The following DGKB variants were observed in gnomAD, a reference collection of about 807,000 sequenced individuals.
DGKB encodes the protein diacylglycerol kinase beta, also known as 90 kDa diacylglycerol kinase.
A neutral mutation model predicts 114.3 loss-of-function variants in DGKB; 67 were observed. The observed-to-expected ratio is 0.59, with a 90% confidence interval of 0.48 to 0.72. The LOEUF (loss-of-function observed/expected upper bound fraction) is 0.72, where lower values mean the gene tolerates loss of function less well. Among genes scored for constraint, DGKB ranks in the 30% least tolerant of loss-of-function variants. The pLI is 0.00. For missense variants in DGKB, 907 were observed against 975.2 expected, an observed-to-expected ratio of 0.93 and a Z score of 0.93; for synonymous variants, 398 against 323.1, an observed-to-expected ratio of 1.23 and a Z score of -2.49.
chr7:14,746,992 T>C (rs1360974409), intron 4 of DGKB, among the ~76,000 whole-genome samples: 2 of 152,122 alleles, frequency 1.3e-5, no homozygotes, highest in South Asian at 2.1e-4. Flanking sequence ...CTATTACAGA[T>C]ATAAGAATGG....
chr7:14,348,147 C>T (rs934706852), intron 21 of DGKB, among the ~76,000 whole-genome samples: 10 of 149,536 alleles, frequency 6.7e-5, no homozygotes, highest in Admixed American at 4.7e-4. Context: ...TTATAACCAC[C>T]CCCACTTCTA....
intron 2 of DGKB, among the ~76,000 whole-genome samples, chr7:14,822,508 A>C (rs1364319750): frequency 6.6e-6 from 1 of 152,174 alleles, no homozygotes; most frequent in Non-Finnish European, 1.5e-5. Flanking sequence ...GAGCTCAGGT[A>C]ATGAAGTTAA....
At chr7:14,449,776 T>C (rs1831213038) in intron 21 of DGKB, among the ~76,000 whole-genome samples, 1 of 152,080 alleles carries the variant, frequency 6.6e-6, no homozygotes, top group South Asian at 2.1e-4. Flanking sequence ...ATTTCTGCCA[T>C]GACAGATTAA....
chr7:14,273,151 C>T (rs953716361), intron 23 of DGKB, among the ~76,000 whole-genome samples: 1 of 151,952 alleles, frequency 6.6e-6, no homozygotes, highest in African/African-American at 2.4e-5. Context: ...TTGAAACCAG[C>T]GTGGGCAATA....
intron 2 of DGKB, among the ~76,000 whole-genome samples, chr7:14,826,545 A>G (rs748137449): frequency 2.0e-5 from 3 of 152,104 alleles, no homozygotes; most frequent in Non-Finnish European, 2.9e-5. Flanking sequence ...TGTTTTTATT[A>G]TAATGATCAC....
At chr7:14,608,254 T>C (rs1198750439) in intron 16 of DGKB, among the ~76,000 whole-genome samples, 1 of 152,054 alleles carries the variant, frequency 6.6e-6, no homozygotes, top group Non-Finnish European at 1.5e-5. Context: ...CAGTTAGGCA[T>C]TATTCCTGGG....
chr7:14,219,991 G>A (rs1789660030), intron 23 of DGKB, among the ~76,000 whole-genome samples: 2 of 151,660 alleles, frequency 1.3e-5, no homozygotes, highest in Non-Finnish European at 3.0e-5. Context: ...TCTGAGAAAT[G>A]CATCATTAGG....
intron 23 of DGKB, among the ~76,000 whole-genome samples, chr7:14,252,858 T>C (rs1795439443): frequency 2.0e-5 from 3 of 152,118 alleles, no homozygotes; most frequent in Admixed American, 2.0e-4. Flanking sequence ...TCTCTCTCCA[T>C]GTTGTGCTAT....
At chr7:14,233,788 C>A (rs958583253) in intron 23 of DGKB, among the ~76,000 whole-genome samples, 1 of 151,858 alleles carries the variant, frequency 6.6e-6, no homozygotes, top group Admixed American at 6.6e-5. Flanking sequence ...GGGGTGCAAC[C>A]ACAGGTCGAA....
At chr7:14,176,289 G>A in intron 25 of DGKB, 2 of 960,022 alleles carry the variant, frequency 2.1e-6, no homozygotes, top group African/African-American at 2.0e-5. Flanking sequence ...CTATGCAAAT[G>A]AAAACTGATT....
At chr7:14,937,903 TTTCTC>T (rs904535892) in intron 1 of DGKB, among the ~76,000 whole-genome samples, 2 of 152,306 alleles carry the variant, frequency 1.3e-5, no homozygotes, top group Middle Eastern at 3.4e-3. Flanking sequence ...TTAATAACAT[TTTCTC>T]TTCTCTAGCT....
intron 12 of DGKB, among the ~76,000 whole-genome samples, chr7:14,678,399 C>A (rs1820250659): frequency 6.6e-6 from 1 of 152,056 alleles, no homozygotes; most frequent in South Asian, 2.1e-4. Flanking sequence ...GGTAACCTAA[C>A]TTGTTTCCTA....
At chr7:14,548,403 G>C (rs1794629087) in intron 20 of DGKB, among the ~76,000 whole-genome samples, 1 of 152,154 alleles carries the variant, frequency 6.6e-6, no homozygotes, top group Non-Finnish European at 1.5e-5. Flanking sequence ...AGCCCAGTTT[G>C]GTAGGTCAGA....
At chr7:14,748,249 G>C (rs1028974576) in intron 4 of DGKB, among the ~76,000 whole-genome samples, 6 of 152,006 alleles carry the variant, frequency 3.9e-5, no homozygotes, top group Admixed American at 2.6e-4. Context: ...CTAATGAAAG[G>C]AATAAGAACA....
At chr7:14,884,742 C>A (rs1854765553) in intron 1 of DGKB, among the ~76,000 whole-genome samples, 1 of 151,924 alleles carries the variant, frequency 6.6e-6, no homozygotes, top group Non-Finnish European at 1.5e-5. Flanking sequence ...GAACATCCTA[C>A]AAAACGGCAA....
intron 1 of DGKB, among the ~76,000 whole-genome samples, chr7:14,910,284 A>T (rs149136564): frequency 7.9e-6 from 1 of 126,134 alleles, no homozygotes; most frequent in Non-Finnish European, 1.9e-5. Context: ...GAAAGAAAGA[A>T]AGAAAGAAAG....
At position 14,418,371 on chromosome 7, in the gene DGKB, G is replaced by GTATA. The variant is rs369934623; in HGVS notation, c.1835+59786_1835+59789dup. The stretch of plus-strand genomic sequence containing the variant: ...TATATTCACATATATATGTGTGTGT[G>GTATA]TATATATATATATATATATATACAC... On this transcript the variant is annotated intron_variant, in intron 21 of 25. Coordinates refer to ENST00000402815, the MANE Select transcript of DGKB (RefSeq NM_001350709.2). 8.6e-4 allele frequency among the ~76,000 whole-genome samples: 112 copies of GTATA among 129,912 alleles called. 1 individual carries two copies. The highest frequency in any genetic ancestry group is 4.7e-3 in the Middle Eastern group (1 of 212). 85.2% of individuals were successfully genotyped at this position (129,912 alleles called of 152,430 possible).
intron 1 of DGKB, among the ~76,000 whole-genome samples, chr7:14,965,613 C>A (rs971275127): frequency 6.6e-6 from 1 of 151,982 alleles, no homozygotes; most frequent in African/African-American, 2.4e-5. Flanking sequence ...TTACTAATCT[C>A]ATATACATTC....
At chr7:14,622,988 T>C (rs1807925650) in intron 14 of DGKB, among the ~76,000 whole-genome samples, 1 of 152,150 alleles carries the variant, frequency 6.6e-6, no homozygotes, top group African/African-American at 2.4e-5. Flanking sequence ...GTATTATTTA[T>C]CTGATTTGTT....
Sources: allele counts gnomAD v4.1 joint callset (sites outside exome capture counted in the v4.1 genomes callset), GRCh38; gene constraint gnomAD v4.1.1; transcripts MANE v1.5; gene names NCBI Gene and HGNC (gene_info 2026-07-23, HGNC 2026-07-21).